KCNG2: variants seen among roughly 807,000 people sequenced by gnomAD.
The protein encoded by KCNG2 is voltage-gated potassium channel regulatory subunit KCNG2.
In KCNG2, 7 loss-of-function variants were observed where a neutral mutation model predicts 12.3. That is an observed-to-expected ratio of 0.57 (90% CI 0.32 to 1.07). The LOEUF (loss-of-function observed/expected upper bound fraction) is 1.07. Ranked by LOEUF, KCNG2 falls within the 50% of genes least tolerant of loss-of-function variation. The pLI is 0.04. For missense variants in KCNG2, 703 were observed against 726.0 expected, an observed-to-expected ratio of 0.97 and a Z score of 0.36; for synonymous variants, 414 against 351.4, an observed-to-expected ratio of 1.18 and a Z score of -1.99.
intron 1 of KCNG2, among the ~76,000 whole-genome samples, chr18:79,805,205 A>G (rs2087440035): frequency 1.3e-5 from 2 of 152,244 alleles, no homozygotes; most frequent in African/African-American, 4.8e-5. Flanking sequence ...ACATTATGCC[A>G]GGTCGTTTCT....
intron 1 of KCNG2, among the ~76,000 whole-genome samples, chr18:79,807,728 T>C (rs2087461420): frequency 6.6e-6 from 1 of 152,200 alleles, no homozygotes; most frequent in African/African-American, 2.4e-5. Flanking sequence ...CCGGCGCCAC[T>C]GACGGGCACT....
chr18:79,829,405 C>T (rs948109336), intron 1 of KCNG2, among the ~76,000 whole-genome samples: 1 of 152,168 alleles, frequency 6.6e-6, no homozygotes, highest in African/African-American at 2.4e-5. Flanking sequence ...TTCTCTGTTG[C>T]ATCATTCATG....
Position 79,899,636 on chromosome 18 carries a change from C to G in KCNG2, c.1221C>G (p.Thr407=), listed in dbSNP as rs750205598. The change falls in exon 4 of 4, where the codon ACC becomes ACG. Residue 407 remains threonine, a synonymous_variant. Transcript: ENST00000316249. ...MAFPVTSIFH[T]FSRSYSELKE... ...TCCCGGTCACCTCCATCTTCCACACCTTTTCGCGCTCCTACTCCGAGCTCA... is the reference window on the plus strand; with the variant it reads ...TCCCGGTCACCTCCATCTTCCACACGTTTTCGCGCTCCTACTCCGAGCTCA... The G allele has an allele frequency of 6.2e-7, 1 of 1,604,280 alleles. No individual in the cohort carries two copies. The highest frequency in any genetic ancestry group is 1.1e-5 in the South Asian group (1 of 89,568).
intron 3 of KCNG2, among the ~76,000 whole-genome samples, chr18:79,868,178 A>G (rs921295399): frequency 1.3e-5 from 2 of 152,180 alleles, no homozygotes; most frequent in Non-Finnish European, 2.9e-5. Context: ...CACCCCAGGA[A>G]CACCAGCCCT....
chr18:79,845,868 TG>T (rs755350166), intron 1 of KCNG2, among the ~76,000 whole-genome samples: 1 of 125,896 alleles, frequency 7.9e-6, no homozygotes, highest in Non-Finnish European at 1.7e-5. Context: ...AGGCGGATCA[TG>T]AGGTCAGGAG....
At chr18:79,799,182 A>T (rs1473725164) in intron 1 of KCNG2, among the ~76,000 whole-genome samples, 2 of 152,186 alleles carry the variant, frequency 1.3e-5, no homozygotes, top group African/African-American at 4.8e-5. Flanking sequence ...CAGAGTGATT[A>T]AGTGGAGAGG....
At chr18:79,893,113 T>C (rs1980808666) in intron 3 of KCNG2, among the ~76,000 whole-genome samples, 1 of 152,044 alleles carries the variant, frequency 6.6e-6, no homozygotes, top group Non-Finnish European at 1.5e-5. Flanking sequence ...TATAGTTGGG[T>C]CTCTGCTTTT....
chr18:79,826,973 A>C (rs1454444390), intron 1 of KCNG2, among the ~76,000 whole-genome samples: 1 of 152,272 alleles, frequency 6.6e-6, no homozygotes, highest in South Asian at 2.1e-4. Flanking sequence ...TACAGTTTCT[A>C]GGAAATTCGC....
chr18:79,871,756 C>T (rs1008918249), intron 3 of KCNG2, among the ~76,000 whole-genome samples: 3 of 152,224 alleles, frequency 2.0e-5, no homozygotes, highest in Admixed American at 6.5e-5. Flanking sequence ...TTGGCCTGGA[C>T]GTCTGCGGTG....
chr18:79,866,967 G>A (rs893572686), intron 3 of KCNG2, among the ~76,000 whole-genome samples: 1 of 149,992 alleles, frequency 6.7e-6, no homozygotes, highest in Admixed American at 6.6e-5. Flanking sequence ...TCAGAGATTT[G>A]GGTGCTAAGA....
chr18:79,856,288 G>A (rs1355051007), intron 1 of KCNG2, among the ~76,000 whole-genome samples, 91 bp from the exon 2 acceptor site: 1 of 152,222 alleles, frequency 6.6e-6, no homozygotes, highest in East Asian at 1.9e-4. Context: ...GCGGGGACTG[G>A]AGGGGTGGGG....
At chr18:79,868,593 G>A (rs530953591) in intron 3 of KCNG2, among the ~76,000 whole-genome samples, 11 of 152,326 alleles carry the variant, frequency 7.2e-5, no homozygotes, top group South Asian at 2.1e-4. Context: ...TGTTGGTGAC[G>A]TAACAAAACC....
intron 1 of KCNG2, among the ~76,000 whole-genome samples, chr18:79,830,789 C>T (rs1449715192): frequency 7.2e-6 from 1 of 139,240 alleles, no homozygotes; most frequent in Non-Finnish European, 1.6e-5. Context: ...TCCCTGCGGA[C>T]AGAGCCTTCG....
In KCNG2 at chr18:79,884,722, G is replaced by A. The variant is rs1980453914; in HGVS notation, c.625-14318G>A. On this transcript the variant is annotated intron_variant, in intron 3 of 3. Transcript: ENST00000316249. This position sits in a 1 kb window ranked among gnomAD's most constrained non-coding sequence, Gnocchi z 5.5. The stretch of plus-strand genomic sequence containing the variant: ...CACAGACACGTGGCTTCGTGATGGG[G>A]AGCCACGGGGGCAGGGGTCCGCCCG... 6.6e-6 allele frequency among the ~76,000 whole-genome samples: 1 copy of A among 152,192 alleles called. No individual in the cohort carries two copies. Among genetic ancestry groups the A allele is most frequent in the African/African-American group, 2.4e-5 (1 of 41,458 alleles).
At chr18:79,814,691 G>A (rs537230525) in intron 1 of KCNG2, among the ~76,000 whole-genome samples, 32 of 152,332 alleles carry the variant, frequency 2.1e-4, no homozygotes, top group African/African-American at 7.7e-4. Flanking sequence ...CGGAAACTGG[G>A]TAAAGGGTAC....
intron 1 of KCNG2, among the ~76,000 whole-genome samples, chr18:79,832,286 A>C (rs1978300437): frequency 1.6e-5 from 2 of 125,222 alleles, no homozygotes; most frequent in African/African-American, 3.2e-5. Context: ...ACCTGCCCTC[A>C]CCTGCCCATC....
intron 1 of KCNG2, among the ~76,000 whole-genome samples, chr18:79,808,079 G>T (rs1364098714): frequency 3.1e-5 from 4 of 130,360 alleles, no homozygotes; most frequent in Admixed American, 7.4e-5. Context: ...AGGAGCTGCC[G>T]GGGCCGCGCT....
intron 3 of KCNG2, among the ~76,000 whole-genome samples, chr18:79,881,126 C>T (rs1045981471): frequency 5.1e-4 from 77 of 152,310 alleles, no homozygotes; most frequent in East Asian, 2.7e-3. Context: ...GGAAAGTAGA[C>T]GTCGTACTAT....
chr18:79,878,862 G>C (rs1173168105), intron 3 of KCNG2, among the ~76,000 whole-genome samples: 1 of 152,268 alleles, frequency 6.6e-6, no homozygotes, highest in Non-Finnish European at 1.5e-5. Flanking sequence ...TGACGGCTGT[G>C]TTGTGGAGCG....
Sources: gnomAD v4.1 joint callset for allele counts (sites outside exome capture counted in the v4.1 genomes callset) on GRCh38, gnomAD v4.1.1 for gene constraint, Gnocchi (gnomAD v3.1) non-coding constraint, MANE v1.5 for transcripts, NCBI Gene and HGNC (gene_info 2026-07-23, HGNC 2026-07-21) for gene names.